RANBP2: variants seen among roughly 807,000 people sequenced by gnomAD.
The protein encoded by RANBP2 is E3 SUMO-protein ligase RanBP2.
RANBP2 carries 57 observed loss-of-function variants against 303.6 expected under a neutral mutation model. The ratio of observed to expected loss-of-function variants is 0.19; its 90% CI spans 0.15 to 0.23. The LOEUF (loss-of-function observed/expected upper bound fraction) is 0.23. Ranked by LOEUF, RANBP2 falls within the 10% of genes least tolerant of loss-of-function variation. The pLI, the probability that RANBP2 is intolerant of heterozygous loss-of-function variation, is 1.00. For synonymous variants in RANBP2, 1,167 were observed against 1,301.5 expected, an observed-to-expected ratio of 0.90 and a Z score of 2.23; for missense variants, 3,138 against 3,780.8, an observed-to-expected ratio of 0.83 and a Z score of 4.46.
At chr2:109,690,813 T>C in the RANBP2 span, among the ~76,000 whole-genome samples, 1 of 152,174 alleles carries the variant, frequency 6.6e-6, no homozygotes, top group Non-Finnish European at 1.5e-5. Flanking sequence ...AGCCTAGGCC[T>C]ACCCCTTCCT....
chr2:108,777,169 C>T lies in RANBP2; in HGVS notation c.8537C>T (p.Thr2846Ile). Reference protein sequence around the residue: ...KIVSFGFGSSTGLSFADLASS... With the variant: ...KIVSFGFGSSIGLSFADLASS... The stretch of plus-strand genomic sequence containing the variant: ...GTTTCATTTGGATTTGGAAGTAGCA[C>T]AGGGCTCTCATTTGCAGACTTGGCT... Residue 2846 changes from threonine (T) to isoleucine (I), a missense_variant, in exon 25 of 29, where the codon ACA becomes ATA. By Grantham distance (89) the Thr-to-Ile change is moderately conservative. Coordinates refer to ENST00000283195, the MANE Select transcript of RANBP2 (RefSeq NM_006267.5). The T allele has an allele frequency of 1.9e-6, 3 of 1,613,522 alleles. No homozygotes were observed. Among genetic ancestry groups the T allele is most frequent in the Middle Eastern group, 1.7e-4 (1 of 6,058 alleles).
the RANBP2 span, among the ~76,000 whole-genome samples, chr2:108,851,888 A>G: frequency 9.2e-5 from 14 of 152,274 alleles, 1 homozygote; most frequent in Admixed American, 3.3e-4. Context: ...TCTGAATACT[A>G]TTATCCTCAT....
the RANBP2 span, among the ~76,000 whole-genome samples, chr2:109,595,356 A>ACTAGC: frequency 1.3e-5 from 2 of 152,224 alleles, no homozygotes; most frequent in South Asian, 4.1e-4. Context: ...CACATCAGAG[A>ACTAGC]CTAGCCTGAT....
At chr2:109,010,089 A>T in the RANBP2 span, among the ~76,000 whole-genome samples, 15 of 152,176 alleles carry the variant, frequency 9.9e-5, no homozygotes, top group African/African-American at 1.4e-4. Context: ...GTTAAAAAAA[A>T]TTTTATGTAT....
At chr2:109,453,905 T>C in the RANBP2 span, among the ~76,000 whole-genome samples, 26 of 152,272 alleles carry the variant, frequency 1.7e-4, no homozygotes, top group African/African-American at 6.0e-4. Flanking sequence ...CCAGGGGACA[T>C]GGCCCGAAGA....
At chr2:109,577,892 G>A in the RANBP2 span, among the ~76,000 whole-genome samples, 1 of 132,068 alleles carries the variant, frequency 7.6e-6, no homozygotes, top group African/African-American at 2.9e-5. Context: ...AAGCCTGGGT[G>A]ACGAAGTGAG....
the RANBP2 span, among the ~76,000 whole-genome samples, chr2:109,574,392 G>A: frequency 1.5e-5 from 2 of 135,606 alleles, no homozygotes; most frequent in African/African-American, 5.6e-5. Flanking sequence ...GCTGCAGTAA[G>A]CCACGATCTC....
At chr2:108,823,805 C>T in the RANBP2 span, among the ~76,000 whole-genome samples, 1 of 152,138 alleles carries the variant, frequency 6.6e-6, no homozygotes, top group Non-Finnish European at 1.5e-5. Flanking sequence ...TGTGAAACTC[C>T]GTTTTTACTA....
chr2:109,652,878 T>C, the RANBP2 span, among the ~76,000 whole-genome samples: 2 of 152,178 alleles, frequency 1.3e-5, no homozygotes, highest in Admixed American at 1.3e-4. Context: ...AAGTCCCCAG[T>C]GTCTTAGTGT....
chr2:109,542,041 C>G, the RANBP2 span, among the ~76,000 whole-genome samples: 2 of 152,152 alleles, frequency 1.3e-5, no homozygotes, highest in Non-Finnish European at 2.9e-5. Context: ...GGAGGGAGTA[C>G]GTACCAGGAT....
chr2:109,680,212 G>A, the RANBP2 span, among the ~76,000 whole-genome samples: 1 of 150,632 alleles, frequency 6.6e-6, no homozygotes. Flanking sequence ...AATTAGCCGG[G>A]CATGGTGGCG....
the RANBP2 span, among the ~76,000 whole-genome samples, chr2:109,761,654 A>C: frequency 3.7e-4 from 50 of 133,368 alleles, no homozygotes; most frequent in Non-Finnish European, 4.9e-4. Flanking sequence ...GCTCCCCCCA[A>C]CCCGCCACTA....
chr2:109,652,223 G>GTTT, the RANBP2 span, among the ~76,000 whole-genome samples: 6 of 144,496 alleles, frequency 4.2e-5, no homozygotes, highest in African/African-American at 1.4e-4. Flanking sequence ...AAGGATTTTT[G>GTTT]TTTGTTTTTT....
chr2:109,660,081 A>T, the RANBP2 span, among the ~76,000 whole-genome samples: 346 of 152,204 alleles, frequency 2.3e-3, 2 homozygotes, highest in Middle Eastern at 3.4e-3. Context: ...CAAAAGGAAA[A>T]CCCCACTTCT....
the RANBP2 span, chr2:109,432,397 T>C: frequency 6.9e-7 from 1 of 1,456,956 alleles, no homozygotes; most frequent in Non-Finnish European, 9.3e-7. Flanking sequence ...AGTGGGTCTT[T>C]TTAGGTTGGG....
At chr2:109,174,886 A>C in the RANBP2 span, among the ~76,000 whole-genome samples, 1 of 152,186 alleles carries the variant, frequency 6.6e-6, no homozygotes, top group South Asian at 2.1e-4. Flanking sequence ...AACATATTTC[A>C]GATTCTCTTT....
the RANBP2 span, chr2:109,613,083 C>A: frequency 2.5e-6 from 2 of 787,608 alleles, no homozygotes; most frequent in African/African-American, 3.6e-5. Flanking sequence ...GGCATCGGGC[C>A]TCCAAACGGC....
the RANBP2 span, among the ~76,000 whole-genome samples, chr2:109,548,607 C>T: frequency 6.6e-6 from 1 of 151,934 alleles, no homozygotes; most frequent in Non-Finnish European, 1.5e-5. Context: ...GAAACCCCGT[C>T]TCTACTAAAA....
At chr2:109,652,461 G>A in the RANBP2 span, among the ~76,000 whole-genome samples, 14 of 152,120 alleles carry the variant, frequency 9.2e-5, no homozygotes, top group South Asian at 2.1e-4. Flanking sequence ...TCCTGACTTC[G>A]TGATCCGCCC....
Sources: allele counts gnomAD v4.1 joint callset (sites outside exome capture counted in the v4.1 genomes callset), GRCh38; gene constraint gnomAD v4.1.1; transcripts MANE v1.5; gene names NCBI Gene and HGNC (gene_info 2026-07-23, HGNC 2026-07-21).